The following ZNF407 variants were observed in gnomAD, a reference collection of about 807,000 sequenced individuals.
The protein encoded by ZNF407 is zinc finger protein 407.
Under a neutral mutation model 131.2 loss-of-function variants are expected in ZNF407, and 17 were observed. That is an observed-to-expected ratio of 0.13 (90% CI 0.09 to 0.19). The LOEUF is 0.19. Ranked by LOEUF, ZNF407 falls within the 10% of genes least tolerant of loss-of-function variation. The pLI, the probability that ZNF407 is intolerant of heterozygous loss-of-function variation, is 1.00. For synonymous variants in ZNF407, 1,156 were observed against 1,062.0 expected (o/e 1.09, Z -1.72); for missense variants, 2,681 against 2,830.6 (o/e 0.95, Z 1.20).
Position 74,760,461 on chromosome 18 carries a change from T to C in ZNF407, c.4803-20967T>C, listed in dbSNP as rs1408584568. ...TTCTAAGCTTGTGTTTCTAATCTTA[T>C]TCTCATTTTTCCTTTTAAGTTTTTT... is the stretch of plus-strand genomic sequence containing the variant. On this transcript the variant is annotated intron_variant, in intron 3 of 8. Transcript: ENST00000299687. Among the ~76,000 whole-genome samples, 7 of 152,188 alleles carry C rather than the reference T, an allele frequency of 4.6e-5. No individual in the cohort carries two copies. In the East Asian group the frequency reaches 1.2e-3, roughly 25 times the overall value.
intron 3 of ZNF407, among the ~76,000 whole-genome samples, chr18:74,643,703 A>G (rs746866950): frequency 3.3e-5 from 5 of 152,010 alleles, no homozygotes; most frequent in Non-Finnish European, 7.4e-5. Context: ...TTAATGTCTC[A>G]GATTATTTGT....
intron 8 of ZNF407, among the ~76,000 whole-genome samples, chr18:75,027,349 T>G (rs1482422825): frequency 1.3e-5 from 2 of 152,166 alleles, no homozygotes; most frequent in East Asian, 3.8e-4. Context: ...TTTTAAGAAT[T>G]TACCCTTTTC....
chr18:74,837,266 A>T (rs974485047), intron 4 of ZNF407, among the ~76,000 whole-genome samples: 7 of 151,686 alleles, frequency 4.6e-5, no homozygotes, highest in African/African-American at 1.5e-4. Flanking sequence ...TGTTCGCTTT[A>T]CTACTTTTCA....
chr18:75,006,597 A>C (rs539660324), intron 8 of ZNF407, among the ~76,000 whole-genome samples: 8 of 152,184 alleles, frequency 5.3e-5, no homozygotes, highest in Non-Finnish European at 7.3e-5. Flanking sequence ...TCTATAATAT[A>C]ATTGCACTGT....
chr18:74,729,676 A>G (rs1454531918), intron 3 of ZNF407, among the ~76,000 whole-genome samples: 1 of 152,254 alleles, frequency 6.6e-6, no homozygotes, highest in Non-Finnish European at 1.5e-5. Context: ...ACTGGCATAC[A>G]AAAGCAACAT....
chr18:74,695,249 G>T (rs1272851378), intron 3 of ZNF407, among the ~76,000 whole-genome samples: 3 of 152,120 alleles, frequency 2.0e-5, no homozygotes, highest in Non-Finnish European at 4.4e-5. Context: ...GCTGAAATTA[G>T]CTGTTTTTTG....
chr18:74,618,093 G>A (rs1055614735), intron 1 of ZNF407, among the ~76,000 whole-genome samples: 1 of 152,182 alleles, frequency 6.6e-6, no homozygotes, highest in Non-Finnish European at 1.5e-5. Context: ...ATGGTTTAAT[G>A]GGACCGCATT....
rs564534460 is a variant in ZNF407, at chr18:74,742,508, A to T, written c.4803-38920A>T. Among the ~76,000 whole-genome samples the T allele has an allele frequency of 2.6e-4, 39 of 152,322 alleles. 1 individual carries two copies. The highest frequency in any genetic ancestry group is 9.1e-4 in the African/African-American group (38 of 41,588). ...CTAATATTTTTCAGAGATAGTTTGA[A>T]TCATGCTTTGTTCTTTTTTGAATAT... On this transcript the variant is annotated intron_variant, in intron 3 of 8. Coordinates refer to ENST00000299687, the MANE Select transcript of ZNF407 (RefSeq NM_017757.3).
At position 74,867,779 on chromosome 18, in the gene ZNF407, A is replaced by C. The variant is rs534629686; in HGVS notation, c.4878-9418A>C. ...AAATATTTTCTAGCCATACTATTATATCAGTACAGTATAAATTCCTTACTA... is the reference window on the plus strand; with the variant it reads ...AAATATTTTCTAGCCATACTATTATCTCAGTACAGTATAAATTCCTTACTA... On this transcript the variant is annotated intron_variant, in intron 4 of 8. Coordinates refer to ENST00000299687, the MANE Select transcript of ZNF407 (RefSeq NM_017757.3). 2.0e-5 allele frequency among the ~76,000 whole-genome samples: 3 copies of C among 152,378 alleles called. No homozygotes were observed. The East Asian group carries it at 5.8e-4, about 29-fold the overall frequency.
chr18:75,012,720 A>G (rs1262118199), intron 8 of ZNF407, among the ~76,000 whole-genome samples: 2 of 151,034 alleles, frequency 1.3e-5, no homozygotes, highest in Non-Finnish European at 3.0e-5. Context: ...TAAATTTGCT[A>G]TTAGGCAATT....
chr18:74,613,430 C>T (rs1983149626), intron 1 of ZNF407, among the ~76,000 whole-genome samples: 1 of 152,172 alleles, frequency 6.6e-6, no homozygotes, highest in Admixed American at 6.5e-5. Flanking sequence ...AGCCAAACAG[C>T]ACTGCTGTTT....
Position 74,766,168 on chromosome 18 carries a change from G to A in ZNF407, c.4803-15260G>A, listed in dbSNP as rs941261204. Among the ~76,000 whole-genome samples, 15 of 152,122 alleles carry A rather than the reference G, an allele frequency of 9.9e-5. No individual in the cohort carries two copies. In the South Asian group the frequency reaches 1.5e-3, roughly 15 times the overall value. Reference sequence around the variant, plus strand: ...GCTTTTTAACTAGTCTCTGTAAGGCGTTGTCATCACATCTGATGTTGGACC... The same window carrying A: ...GCTTTTTAACTAGTCTCTGTAAGGCATTGTCATCACATCTGATGTTGGACC... On this transcript the variant is annotated intron_variant, in intron 3 of 8. Transcript: ENST00000299687.
At chr18:74,715,448 G>A (rs1441206346) in intron 3 of ZNF407, among the ~76,000 whole-genome samples, 2 of 152,204 alleles carry the variant, frequency 1.3e-5, no homozygotes, top group Admixed American at 1.3e-4. Context: ...ATGTGATGCA[G>A]TGCGAGCGGT....
intron 3 of ZNF407, among the ~76,000 whole-genome samples, chr18:74,692,517 CCCTGAGTG>C (rs143122818): frequency 0.011 from 1,621 of 152,176 alleles, 31 homozygotes; most frequent in African/African-American, 0.037. Context: ...CTCAGGAAGG[CCCTGAGTG>C]CCTGAGCCTC....
At chr18:74,753,989 G>A (rs145935498) in intron 3 of ZNF407, among the ~76,000 whole-genome samples, 41 of 152,114 alleles carry the variant, frequency 2.7e-4, no homozygotes, top group Admixed American at 7.9e-4. Context: ...ACTTTTTTTG[G>A]TTGTTAGGCT....
At chr18:74,751,869 T>C (rs1180933095) in intron 3 of ZNF407, among the ~76,000 whole-genome samples, 1 of 152,218 alleles carries the variant, frequency 6.6e-6, no homozygotes, top group African/African-American at 2.4e-5. Flanking sequence ...TGATTTATAA[T>C]CCTTTGGGGA....
chr18:74,739,916 T>C (rs1237649521), intron 3 of ZNF407, among the ~76,000 whole-genome samples: 1 of 152,230 alleles, frequency 6.6e-6, no homozygotes, highest in Non-Finnish European at 1.5e-5. Flanking sequence ...TCTTACTTTG[T>C]CTTTTTTATG....
chr18:74,821,130 A>T (rs931155990), intron 4 of ZNF407, among the ~76,000 whole-genome samples: 1 of 151,902 alleles, frequency 6.6e-6, no homozygotes, highest in Admixed American at 6.6e-5. Flanking sequence ...TAGTGTTATT[A>T]GGTTGGTGCA....
At chr18:74,751,536 C>T (rs1371910764) in intron 3 of ZNF407, among the ~76,000 whole-genome samples, 3 of 151,936 alleles carry the variant, frequency 2.0e-5, no homozygotes, top group African/African-American at 4.8e-5. Flanking sequence ...CCCCACCACA[C>T]GACAGGCCCC....
Sources: allele counts gnomAD v4.1 joint callset (sites outside exome capture counted in the v4.1 genomes callset), GRCh38; gene constraint gnomAD v4.1.1; transcripts MANE v1.5; gene names NCBI Gene and HGNC (gene_info 2026-07-23, HGNC 2026-07-21).